ACBD6: variants seen among roughly 807,000 people sequenced by gnomAD.
The protein encoded by ACBD6 is acyl-CoA-binding domain-containing protein 6.
A neutral mutation model predicts 37.2 loss-of-function variants in ACBD6; 28 were observed. The observed-to-expected ratio is 0.75, with a 90% confidence interval of 0.56 to 1.03. The LOEUF (loss-of-function observed/expected upper bound fraction) is 1.03. Ranked by LOEUF, ACBD6 falls within the 50% of genes least tolerant of loss-of-function variation. The probability of loss-of-function intolerance (pLI) is 0.00; values close to 1 mark genes in which losing one functional copy is unlikely to be tolerated. For missense variants in ACBD6, 340 were observed against 337.4 expected (o/e 1.01, Z -0.06); for synonymous variants, 113 against 126.8 (o/e 0.89, Z 0.73).
intron 6 of ACBD6, among the ~76,000 whole-genome samples, chr1:180,339,622 G>GTA (rs770305380): frequency 7.2e-5 from 11 of 152,096 alleles, no homozygotes; most frequent in East Asian, 5.8e-4. Flanking sequence ...CATGGCACAT[G>GTA]TATATATATG....
intron 7 of ACBD6, among the ~76,000 whole-genome samples, chr1:180,297,635 G>C (rs1335303044): frequency 1.3e-5 from 2 of 152,142 alleles, no homozygotes; most frequent in African/African-American, 4.8e-5. Context: ...CCACAGACAG[G>C]GAGGAAGAGA....
chr1:180,501,960 A>G, intron 1 of ACBD6, 85 bp downstream of exon 1: 2 of 1,342,176 alleles, frequency 1.5e-6, no homozygotes, highest in Non-Finnish European at 1.1e-6. Context: ...ACACCTAGCT[A>G]TTAACCATAC....
At chr1:180,312,882 A>G (rs536946392) in intron 7 of ACBD6, among the ~76,000 whole-genome samples, 36 of 152,208 alleles carry the variant, frequency 2.4e-4, no homozygotes, top group Non-Finnish European at 4.1e-4. Flanking sequence ...GTACAGTGTA[A>G]GTTAAGTATT....
chr1:180,432,892 AAG>A (rs1250818542), intron 3 of ACBD6, among the ~76,000 whole-genome samples: 2 of 152,028 alleles, frequency 1.3e-5, no homozygotes, highest in African/African-American at 4.8e-5. Flanking sequence ...ATCACCAAGA[AAG>A]AGAGTGAATC....
intron 6 of ACBD6, among the ~76,000 whole-genome samples, chr1:180,380,706 T>G (rs900605512): frequency 5.9e-5 from 9 of 151,572 alleles, no homozygotes; most frequent in African/African-American, 2.2e-4. Context: ...AAACCACTGG[T>G]GGAGCAAACA....
At chr1:180,387,269 A>G (rs775997999) in intron 6 of ACBD6, among the ~76,000 whole-genome samples, 4 of 152,164 alleles carry the variant, frequency 2.6e-5, no homozygotes, top group Non-Finnish European at 4.4e-5. Context: ...CCAGGACTCT[A>G]CATACAAGTT....
intron 5 of ACBD6, among the ~76,000 whole-genome samples, chr1:180,403,451 AT>A (rs1223126556): frequency 6.6e-6 from 1 of 152,252 alleles, no homozygotes; most frequent in Non-Finnish European, 1.5e-5. Flanking sequence ...GTATCAAAAA[AT>A]AAAAAAGATT....
At chr1:180,395,700 G>A (rs1343775506) in intron 6 of ACBD6, among the ~76,000 whole-genome samples, 1 of 152,156 alleles carries the variant, frequency 6.6e-6, no homozygotes. Context: ...TGTATTACTG[G>A]TGGGAATGTA....
intron 6 of ACBD6, among the ~76,000 whole-genome samples, chr1:180,395,005 A>C (rs1297603921): frequency 2.0e-5 from 3 of 152,254 alleles, no homozygotes; most frequent in African/African-American, 4.8e-5. Context: ...TATTAAAAAT[A>C]TAATATACCA....
intron 5 of ACBD6, among the ~76,000 whole-genome samples, chr1:180,411,729 G>A (rs539218287): frequency 2.6e-5 from 4 of 152,082 alleles, no homozygotes; most frequent in Non-Finnish European, 4.4e-5. Flanking sequence ...GCCATGGCGC[G>A]ATCTAGGCTC....
chr1:180,296,128 A>C (rs1649908367), intron 7 of ACBD6, among the ~76,000 whole-genome samples: 1 of 152,180 alleles, frequency 6.6e-6, no homozygotes, highest in Non-Finnish European at 1.5e-5. Context: ...TGATTTAGAA[A>C]AAGTCTGAGT....
intron 5 of ACBD6, among the ~76,000 whole-genome samples, chr1:180,399,912 T>G (rs1421790097): frequency 6.6e-6 from 1 of 152,192 alleles, no homozygotes; most frequent in Non-Finnish European, 1.5e-5. Context: ...TATACATAGT[T>G]AAGACGATGT....
At chr1:180,297,017 A>G (rs956407989) in intron 7 of ACBD6, among the ~76,000 whole-genome samples, 1 of 152,070 alleles carries the variant, frequency 6.6e-6, no homozygotes, top group Non-Finnish European at 1.5e-5. Flanking sequence ...TGTTAGGGTG[A>G]GAATGAAGTT....
intron 3 of ACBD6, among the ~76,000 whole-genome samples, chr1:180,440,547 A>G (rs1256677296): frequency 6.6e-6 from 1 of 152,176 alleles, no homozygotes; most frequent in African/African-American, 2.4e-5. Context: ...TAGTTCCACA[A>G]CATATTTGTT....
intron 1 of ACBD6, among the ~76,000 whole-genome samples, chr1:180,495,782 A>C (rs1451878560): frequency 6.6e-6 from 1 of 152,204 alleles, no homozygotes; most frequent in African/African-American, 2.4e-5. Flanking sequence ...AACTGTGATA[A>C]ACGGTTGCAC....
intron 6 of ACBD6, among the ~76,000 whole-genome samples, chr1:180,377,220 A>G (rs1653469858): frequency 6.6e-6 from 1 of 152,248 alleles, no homozygotes; most frequent in Admixed American, 6.5e-5. Context: ...GATTATAATC[A>G]AAGTATCAGT....
intron 3 of ACBD6, among the ~76,000 whole-genome samples, chr1:180,480,180 A>G (rs1241088524): frequency 1.3e-5 from 2 of 152,168 alleles, no homozygotes; most frequent in Non-Finnish European, 2.9e-5. Flanking sequence ...TGGGATAAAC[A>G]TGGTCAGATA....
chr1:180,271,056 T>C (rs1010818624), exon 14 of ACBD6: 15 of 405,528 alleles, frequency 3.7e-5, no homozygotes, highest in South Asian at 6.3e-5. Context: ...AGCAGAGTGT[T>C]TGTCATGACA....
chr1:180,447,433 C>A (rs1649518082), intron 3 of ACBD6, among the ~76,000 whole-genome samples: 1 of 152,108 alleles, frequency 6.6e-6, no homozygotes, highest in African/African-American at 2.4e-5. Flanking sequence ...TGCTTTCTAC[C>A]ACCCCACAAT....
Sources: gnomAD v4.1 joint callset for allele counts (sites outside exome capture counted in the v4.1 genomes callset) on GRCh38, gnomAD v4.1.1 for gene constraint, MANE v1.5 for transcripts, NCBI Gene and HGNC (gene_info 2026-07-23, HGNC 2026-07-21) for gene names.